Variants in CD96 observed in about 807,000 individuals in gnomAD.
CD96 encodes CD96 molecule.
CD96 carries 70 observed loss-of-function variants against 71.3 expected under a neutral mutation model. The ratio of observed to expected loss-of-function variants is 0.98; its 90% CI spans 0.81 to 1.20. The LOEUF is 1.20. Among genes scored for constraint, CD96 ranks in the 50% most tolerant of loss-of-function variants. CD96 has a pLI of 0.00. For missense variants in CD96, 742 were observed against 677.5 expected (o/e 1.10, Z -1.06); for synonymous variants, 248 against 233.0 (o/e 1.06, Z -0.59).
chr3:111,553,287 T>C (rs1393453511), intron 2 of CD96, among the ~76,000 whole-genome samples: 1 of 151,974 alleles, frequency 6.6e-6, no homozygotes, highest in East Asian at 1.9e-4. Context: ...ATATATTTGT[T>C]GAATAAATTT....
intron 2 of CD96, among the ~76,000 whole-genome samples, chr3:111,561,492 C>T (rs1229370380): frequency 6.8e-6 from 1 of 146,856 alleles, no homozygotes. Flanking sequence ...TGTGCCCCTG[C>T]TGCGGGGTGC....
chr3:111,612,858 G>A, intron 8 of CD96: 1 of 973,180 alleles, frequency 1.0e-6, no homozygotes, highest in Non-Finnish European at 1.2e-6. Flanking sequence ...GCATCTGAGA[G>A]TGAAGATAAC....
chr3:111,602,997 A>G (rs990785835), intron 7 of CD96, among the ~76,000 whole-genome samples: 8 of 152,078 alleles, frequency 5.3e-5, no homozygotes, highest in Admixed American at 3.9e-4. Flanking sequence ...CAGTCTCCCA[A>G]GTGTTCAGTG....
chr3:111,637,337 A>G, intron 11 of CD96, 76 bp downstream of exon 11: 6 of 824,070 alleles, frequency 7.3e-6, no homozygotes, highest in Admixed American at 6.8e-5. Context: ...AAAAACAAGA[A>G]CTGATAAGAA....
intron 8 of CD96, among the ~76,000 whole-genome samples, chr3:111,622,413 T>G: frequency 6.6e-6 from 1 of 152,254 alleles, no homozygotes; most frequent in Admixed American, 6.5e-5. Flanking sequence ...GTATTTTATA[T>G]GTATGACTCT....
chr3:111,562,711 A>G lies in CD96; in HGVS notation c.419-4812A>G, dbSNP rs182672036. 1.3e-4 allele frequency among the ~76,000 whole-genome samples: 20 copies of G among 152,354 alleles called. 1 individual carries two copies. The East Asian group carries it at 3.9e-3, about 29-fold the overall frequency. ...TGTGTGTCAATCAGGGAGTGCATTC[A>G]AAGTTGCAGCCAGTTGTCCAGACTT... On this transcript the variant is annotated intron_variant, in intron 2 of 13. Transcript: ENST00000352690.
chr3:111,597,047 C>T (rs184907042), intron 5 of CD96, among the ~76,000 whole-genome samples: 1 of 152,306 alleles, frequency 6.6e-6, no homozygotes, highest in East Asian at 1.9e-4. Context: ...TCTATAGGCC[C>T]AGACTTCTTG....
At chr3:111,558,885 T>G (rs865848643) in intron 2 of CD96, among the ~76,000 whole-genome samples, 2,602 of 151,810 alleles carry the variant, frequency 0.017, 42 homozygotes, top group Middle Eastern at 0.048. Context: ...CAATTTCAGC[T>G]CCTGTTATTG....
rs112650850 is a variant in CD96 at position 111,623,952 on chromosome 3, G to C, written c.1249+130G>C. Reference sequence around the variant, plus strand: ...TCATTTGATGTTTGTTAATATCTTGGTTTTGGGTTACTCTGCGGTGACTAT... The same window carrying C: ...TCATTTGATGTTTGTTAATATCTTGCTTTTGGGTTACTCTGCGGTGACTAT... On this transcript the variant is annotated intron_variant, in intron 9 of 13. Coordinates refer to ENST00000352690, the MANE Select transcript of CD96 (RefSeq NM_005816.5). 167 of 736,176 alleles carry C rather than the reference G, an allele frequency of 2.3e-4. 3 individuals are homozygous for C. Among genetic ancestry groups the C allele is most frequent in the African/African-American group, 2.2e-3 (127 of 57,542 alleles). The allele number at this position is 736,176 out of a possible 1,614,324, so 45.6% of individuals were successfully genotyped here.
chr3:111,576,666 C>G (rs1936234833), intron 3 of CD96, among the ~76,000 whole-genome samples: 1 of 152,068 alleles, frequency 6.6e-6, no homozygotes, highest in Admixed American at 6.6e-5. Context: ...TCAATTTATT[C>G]TACATAGTTG....
chr3:111,563,429 A>G (rs1436153932), intron 2 of CD96, among the ~76,000 whole-genome samples: 2 of 152,242 alleles, frequency 1.3e-5, no homozygotes, highest in Admixed American at 1.3e-4. Flanking sequence ...CTAAAACTAC[A>G]TTTCTTAATG....
chr3:111,623,777 A>T lies in CD96; in HGVS notation c.1204A>T (p.Thr402Ser), dbSNP rs183483640. ...AGGATATCCAGCTACATCTTCAGTG[A>T]CCCTTGTAGATGTGAGTGCCTTGAG... Reference protein sequence around the residue: ...PARYPATSSVTLVDVSALRPN... With the variant: ...PARYPATSSVSLVDVSALRPN... Residue 402 changes from threonine to serine, a missense_variant, in exon 9 of 14, where the codon ACC becomes TCC. Physicochemically the swap from Thr to Ser is moderately conservative, Grantham distance 58 (BLOSUM62 1). Transcript: ENST00000352690. The T allele has an allele frequency of 6.2e-7, 1 of 1,610,072 alleles. No individual in the cohort carries two copies. The highest frequency in any genetic ancestry group is 2.2e-5 in the East Asian group (1 of 44,834).
chr3:111,602,334 C>A (rs1033908023), intron 7 of CD96, among the ~76,000 whole-genome samples: 4 of 151,710 alleles, frequency 2.6e-5, no homozygotes, highest in African/African-American at 9.7e-5. Flanking sequence ...TAATGAATAC[C>A]TTTTTAGGTA....
At chr3:111,644,507 C>G (rs984408218) in intron 12 of CD96, among the ~76,000 whole-genome samples, 23 of 151,732 alleles carry the variant, frequency 1.5e-4, no homozygotes, top group Non-Finnish European at 1.2e-4. Context: ...AAAGCAAATG[C>G]AATAAAAACA....
At chr3:111,593,274 A>G (rs1316772579) in intron 5 of CD96, 2 of 340,544 alleles carry the variant, frequency 5.9e-6, no homozygotes, top group Non-Finnish European at 1.1e-5. Context: ...TTCTGCCCTG[A>G]AACAACTCAC....
At chr3:111,625,371 T>G (rs1245540379) in intron 10 of CD96, among the ~76,000 whole-genome samples, 1 of 152,212 alleles carries the variant, frequency 6.6e-6, no homozygotes. Context: ...ATATTTCTTT[T>G]AATAAATATG....
chr3:111,555,908 A>C (rs1172834204), intron 2 of CD96, among the ~76,000 whole-genome samples: 4 of 152,300 alleles, frequency 2.6e-5, no homozygotes, highest in Admixed American at 2.6e-4. Flanking sequence ...GTATGTTACC[A>C]TACTTGATAC....
chr3:111,594,238 G>C, intron 5 of CD96: 1 of 1,527,268 alleles, frequency 6.5e-7, no homozygotes, highest in South Asian at 1.3e-5. Flanking sequence ...GATGTGCTTA[G>C]ATGTGAGCCA....
At chr3:111,642,927 A>AT (rs112307427) in intron 12 of CD96, among the ~76,000 whole-genome samples, 39,119 of 151,862 alleles carry the variant, frequency 0.26, 5,985 homozygotes, top group African/African-American at 0.43. Context: ...TATTGACACT[A>AT]TCCACAAGAT....
Sources: gnomAD v4.1 joint callset for allele counts (sites outside exome capture counted in the v4.1 genomes callset) on GRCh38, gnomAD v4.1.1 for gene constraint, MANE v1.5 for transcripts, NCBI Gene and HGNC (gene_info 2026-07-23, HGNC 2026-07-21) for gene names.